The following NOSIP variants were observed in gnomAD, a reference collection of about 807,000 sequenced individuals.
The protein encoded by NOSIP is nitric oxide synthase interacting protein, also known as nitric oxide synthase-interacting protein.
A neutral mutation model predicts 36.4 loss-of-function variants in NOSIP; 25 were observed. The observed-to-expected ratio is 0.69, with a 90% CI of 0.50 to 0.96. The LOEUF (loss-of-function observed/expected upper bound fraction) is 0.96, where lower values mean the gene tolerates loss of function less well. NOSIP is among the 40% of genes least tolerant of loss of function. The pLI is 0.00. For synonymous variants in NOSIP, 187 were observed against 179.2 expected (o/e 1.04, Z -0.35); for missense variants, 370 against 429.0 (o/e 0.86, Z 1.21).
At chr19:49,568,228 T>A (rs2080436357) in intron 1 of NOSIP, among the ~76,000 whole-genome samples, 1 of 152,190 alleles carries the variant, frequency 6.6e-6, no homozygotes, top group Non-Finnish European at 1.5e-5. Flanking sequence ...ATATGGCAGT[T>A]GACCTTGACA....
chr19:49,566,106 G>A (rs769306276), intron 1 of NOSIP, among the ~76,000 whole-genome samples: 5 of 150,946 alleles, frequency 3.3e-5, no homozygotes, highest in Non-Finnish European at 4.4e-5. Context: ...TGCAACCTCT[G>A]CCACCCGGGT....
intron 4 of NOSIP, chr19:49,558,648 A>T: frequency 3.9e-6 from 2 of 516,376 alleles, no homozygotes; most frequent in Non-Finnish European, 3.5e-6. Flanking sequence ...AGACAGCCAC[A>T]TGTACAGCTA....
At chr19:49,573,889 T>G (rs1416602331) in intron 1 of NOSIP, among the ~76,000 whole-genome samples, 13 of 146,844 alleles carry the variant, frequency 8.9e-5, no homozygotes, top group Non-Finnish European at 1.5e-5. Context: ...AGACGGAGTC[T>G]CACTCTGTCA....
intron 1 of NOSIP, among the ~76,000 whole-genome samples, chr19:49,573,857 A>ATTTTTTTT (rs560191336): frequency 7.7e-6 from 1 of 129,440 alleles, no homozygotes; most frequent in African/African-American, 2.9e-5. Flanking sequence ...GGACTGAAGT[A>ATTTTTTTT]TTTTTTTTTT....
intron 1 of NOSIP, chr19:49,579,328 T>C (rs188830230): frequency 6.6e-6 from 1 of 152,308 alleles, no homozygotes; most frequent in African/African-American, 2.4e-5. Context: ...TTGGTTTGGA[T>C]TGAGCTCCTG....
chr19:49,564,116 CAAT>C (rs777369364), intron 1 of NOSIP, among the ~76,000 whole-genome samples: 30 of 152,206 alleles, frequency 2.0e-4, no homozygotes, highest in Non-Finnish European at 3.2e-4. Flanking sequence ...TTTGTTACAA[CAAT>C]GATAGGAAAC....
chr19:49,566,734 T>C (rs2080412765), intron 1 of NOSIP: 1 of 152,242 alleles, frequency 6.6e-6, no homozygotes, highest in African/African-American at 2.4e-5. Flanking sequence ...GATTTCTTTG[T>C]TCCTTTCCAC....
In NOSIP at chr19:49,558,939, C is replaced by T. The variant is rs1474320999; in HGVS notation, c.216G>A (p.Glu72=). 4 of 1,614,038 alleles carry T rather than the reference C, an allele frequency of 2.5e-6. No individual in the cohort carries two copies. The highest frequency in any genetic ancestry group is 1.3e-5 in the African/African-American group (1 of 74,910). Residue 72 remains glutamate (E), a synonymous_variant, in exon 4 of 9, where the codon GAG becomes GAA. Coordinates refer to ENST00000596358, the MANE Select transcript of NOSIP (RefSeq NM_001270960.2). ...GYLYEREAIL[E]YILHQKKEIA... ...TCTCCTTCTTCTGGTGCAGAATGTA[C>T]TCCAGGATGGCCTCACGCTCATACA...
At position 49,560,461 on chromosome 19, in the gene NOSIP, G is replaced by A. The variant is rs1369095992; in HGVS notation, c.70+161C>T. The A allele has an allele frequency of 1.6e-6, 1 of 641,462 alleles. No individual in the cohort carries two copies. Among genetic ancestry groups the A allele is most frequent in the Non-Finnish European group, 2.8e-6 (1 of 352,896 alleles). The allele number at this position is 641,462 out of a possible 1,614,324, so 39.7% of individuals were successfully genotyped here. On this transcript the variant is annotated intron_variant, in intron 2 of 8. Transcript: ENST00000596358. This position sits in a 1 kb window ranked among gnomAD's most constrained non-coding sequence, Gnocchi z 4.6. ...AGAACACAGTGCCGGGCCACATGGG[G>A]TCATGGGATCACCCAGCTGTTGTTT...
At chr19:49,556,292 G>A in intron 8 of NOSIP, 25 bp downstream of exon 8, 2 of 1,518,794 alleles carry the variant, frequency 1.3e-6, no homozygotes, top group Non-Finnish European at 1.8e-6. Context: ...GAGTGCTGGG[G>A]GAAGGGGAGG....
At position 49,556,908 on chromosome 19, in the gene NOSIP, C is replaced by A. The variant is rs1180849213; in HGVS notation, c.504G>T (p.Thr168=). The A allele has an allele frequency of 8.1e-6, 13 of 1,613,358 alleles. No individual in the cohort carries two copies. Among genetic ancestry groups the A allele is most frequent in the Non-Finnish European group, 9.3e-6 (11 of 1,179,738 alleles). The change falls in exon 6 of 9, where the codon ACG becomes ACT. Residue 168 remains threonine, a synonymous_variant. Transcript: ENST00000596358. ...CCAGCTTGGTGGCCTTGGCTTCGGG[C>A]GTCAGCGACGGGATCCAGAAGCTGG... ...VLPSFWIPSL[T]PEAKATKLEK...
At chr19:49,565,762 GA>G (rs765027612) in intron 1 of NOSIP, among the ~76,000 whole-genome samples, 9 of 139,842 alleles carry the variant, frequency 6.4e-5, no homozygotes, top group South Asian at 2.3e-4. Flanking sequence ...TGTCTCAAAA[GA>G]AAAAAAAAAG....
chr19:49,567,525 A>G (rs2080427562), intron 1 of NOSIP, among the ~76,000 whole-genome samples: 1 of 152,114 alleles, frequency 6.6e-6, no homozygotes, highest in Non-Finnish European at 1.5e-5. Flanking sequence ...ACTTTGCCCC[A>G]GGGCTTCCTG....
chr19:49,570,647 G>A (rs2080472316), intron 1 of NOSIP, among the ~76,000 whole-genome samples: 1 of 151,982 alleles, frequency 6.6e-6, no homozygotes. Context: ...CACATGCCAG[G>A]CTCCTCCTCC....
intron 1 of NOSIP, among the ~76,000 whole-genome samples, chr19:49,567,363 C>T (rs955778121): frequency 1.1e-4 from 16 of 151,790 alleles, no homozygotes; most frequent in Non-Finnish European, 2.4e-4. Flanking sequence ...CCTCGTGATC[C>T]GCCCGCCTCG....
intron 1 of NOSIP, among the ~76,000 whole-genome samples, chr19:49,561,074 C>T (rs1256955049): frequency 2.0e-5 from 3 of 152,162 alleles, no homozygotes; most frequent in Non-Finnish European, 4.4e-5. Flanking sequence ...TCCACTCCAC[C>T]TTCCCTTCCC....
chr19:49,575,007 C>T (rs1369526572), intron 1 of NOSIP, among the ~76,000 whole-genome samples: 3 of 151,966 alleles, frequency 2.0e-5, no homozygotes, highest in Non-Finnish European at 4.4e-5. Context: ...GGACTACAGG[C>T]GCCCGCCACC....
At chr19:49,570,653 C>G (rs1047721472) in intron 1 of NOSIP, among the ~76,000 whole-genome samples, 2 of 152,128 alleles carry the variant, frequency 1.3e-5, no homozygotes, top group Non-Finnish European at 2.9e-5. Context: ...CCAGGCTCCT[C>G]CTCCGACTTC....
chr19:49,571,822 T>C (rs768342574), intron 1 of NOSIP, among the ~76,000 whole-genome samples: 4 of 151,778 alleles, frequency 2.6e-5, no homozygotes, highest in Non-Finnish European at 5.9e-5. Context: ...CCATCTCTAC[T>C]AAAAATACAA....
Sources: allele counts gnomAD v4.1 joint callset (sites outside exome capture counted in the v4.1 genomes callset), GRCh38; gene constraint gnomAD v4.1.1; non-coding constraint Gnocchi (gnomAD v3.1); transcripts MANE v1.5; gene names NCBI Gene and HGNC (gene_info 2026-07-23, HGNC 2026-07-21).